Variants in DDX10 observed in about 807,000 individuals in gnomAD.
The protein encoded by DDX10 is DEAD-box helicase 10.
In DDX10, 74 loss-of-function variants were observed where a neutral mutation model predicts 104.3. The ratio of observed to expected loss-of-function variants is 0.71; its 90% CI spans 0.59 to 0.86. The LOEUF is 0.86. DDX10 is among the 40% of genes least tolerant of loss of function. The pLI is 0.00. For synonymous variants in DDX10, 351 were observed against 353.4 expected (o/e 0.99, Z 0.08); for missense variants, 952 against 1,040.0 (o/e 0.92, Z 1.16).
At chr11:108,903,129 A>G (rs1313954932) in intron 16 of DDX10, among the ~76,000 whole-genome samples, 1 of 152,074 alleles carries the variant, frequency 6.6e-6, no homozygotes, top group Non-Finnish European at 1.5e-5. Flanking sequence ...TAATATTCAT[A>G]ATGTTGTGCA....
intron 13 of DDX10, among the ~76,000 whole-genome samples, chr11:108,776,866 G>T (rs993835279): frequency 1.3e-5 from 2 of 152,202 alleles, no homozygotes; most frequent in African/African-American, 4.8e-5. Context: ...AACCGGAAAG[G>T]AAGTAAATTT....
chr11:108,727,324 TCTTA>T (rs1431601804), intron 13 of DDX10, among the ~76,000 whole-genome samples: 2 of 152,126 alleles, frequency 1.3e-5, no homozygotes, highest in East Asian at 3.8e-4. Flanking sequence ...ATGATTTCTT[TCTTA>T]ATTTGTGTAT....
chr11:108,800,399 C>T (rs961400149), intron 13 of DDX10, among the ~76,000 whole-genome samples: 11 of 142,034 alleles, frequency 7.7e-5, no homozygotes, highest in South Asian at 4.5e-4. Context: ...GAGCCGAGAT[C>T]GCGCCACTGC....
chr11:108,905,314 G>T (rs1225265032), intron 16 of DDX10, among the ~76,000 whole-genome samples: 2 of 126,460 alleles, frequency 1.6e-5, no homozygotes, highest in Non-Finnish European at 3.0e-5. Flanking sequence ...ATTGTTTAAG[G>T]GGGGGGGGGG....
intron 13 of DDX10, among the ~76,000 whole-genome samples, chr11:108,779,337 C>A (rs536543824): frequency 6.6e-6 from 1 of 152,312 alleles, no homozygotes; most frequent in South Asian, 2.1e-4. Flanking sequence ...CACATATACC[C>A]TATGGAATAC....
chr11:108,913,494 G>A (rs1863707032), intron 16 of DDX10, among the ~76,000 whole-genome samples: 1 of 152,106 alleles, frequency 6.6e-6, no homozygotes. Flanking sequence ...GGATGACTTT[G>A]AGTTCTGTCT....
At chr11:108,793,746 A>G (rs1220104461) in intron 13 of DDX10, among the ~76,000 whole-genome samples, 2 of 152,084 alleles carry the variant, frequency 1.3e-5, no homozygotes, top group East Asian at 1.9e-4. Flanking sequence ...TTCTAACTGT[A>G]TGTTTGAGTT....
At chr11:108,685,861 A>C (rs1340479841) in intron 6 of DDX10, among the ~76,000 whole-genome samples, 2 of 152,202 alleles carry the variant, frequency 1.3e-5, no homozygotes, top group African/African-American at 4.8e-5. Context: ...TAATATGATT[A>C]CTTATAAAAG....
chr11:108,715,758 T>A (rs1003611718), intron 10 of DDX10, 121 bp from the exon 11 acceptor site: 4 of 613,386 alleles, frequency 6.5e-6, no homozygotes, highest in African/African-American at 5.6e-5. Context: ...CTAATCTGAT[T>A]CATAGATGAG....
At chr11:108,701,936 T>C (rs2134457525) in intron 9 of DDX10, among the ~76,000 whole-genome samples, 1 of 152,244 alleles carries the variant, frequency 6.6e-6, no homozygotes, top group Non-Finnish European at 1.5e-5. Context: ...TCCACCCGCC[T>C]GGATCCCAAA....
intron 17 of DDX10, among the ~76,000 whole-genome samples, chr11:108,926,341 G>A (rs1000794548): frequency 6.6e-6 from 1 of 152,056 alleles, no homozygotes; most frequent in Non-Finnish European, 1.5e-5. Context: ...ATAGAGTGGG[G>A]CCAAAAACTT....
intron 13 of DDX10, among the ~76,000 whole-genome samples, chr11:108,831,517 A>C (rs1295035151): frequency 2.0e-5 from 3 of 148,670 alleles, no homozygotes; most frequent in Admixed American, 6.7e-5. Flanking sequence ...TCCAGTGTTG[A>C]CTCTTCTTTA....
intron 13 of DDX10, among the ~76,000 whole-genome samples, chr11:108,769,335 G>A (rs1367773196): frequency 6.6e-6 from 1 of 151,536 alleles, no homozygotes; most frequent in Non-Finnish European, 1.5e-5. Flanking sequence ...GTTCATCTCT[G>A]ATGTCTTTTT....
At chr11:108,882,031 C>G (rs1338170855) in intron 16 of DDX10, among the ~76,000 whole-genome samples, 1 of 152,074 alleles carries the variant, frequency 6.6e-6, no homozygotes, top group Non-Finnish European at 1.5e-5. Context: ...GGTCTAAATA[C>G]TTTTGTATTT....
intron 17 of DDX10, among the ~76,000 whole-genome samples, chr11:108,923,836 G>A (rs139098022): frequency 2.0e-5 from 3 of 152,262 alleles, no homozygotes; most frequent in East Asian, 1.9e-4. Flanking sequence ...ACACTAAATC[G>A]GTCTTAGGTG....
intron 16 of DDX10, among the ~76,000 whole-genome samples, chr11:108,902,568 T>G (rs1364461820): frequency 6.6e-6 from 1 of 152,196 alleles, no homozygotes; most frequent in African/African-American, 2.4e-5. Flanking sequence ...TTGTAGCCTT[T>G]ACCCTGTTGT....
At chr11:108,896,234 G>A (rs1326718464) in intron 16 of DDX10, among the ~76,000 whole-genome samples, 2 of 152,098 alleles carry the variant, frequency 1.3e-5, no homozygotes, top group Non-Finnish European at 2.9e-5. Context: ...AATGGACACC[G>A]ATACATTTAA....
rs200118606 is a variant in DDX10 at position 108,760,003 on chromosome 11, T to TAA, written c.1965+36553_1965+36554dup. 1.8e-3 allele frequency among the ~76,000 whole-genome samples: 256 copies of TAA among 143,288 alleles called. 1 individual carries two copies. The highest frequency in any genetic ancestry group is 6.1e-3 in the African/African-American group (239 of 39,396). The allele number at this position is 143,288 out of a possible 152,430, so 94.0% of individuals were successfully genotyped here. ...AGAAATTGCCTGCATTGATCCATGTTAAAAAAAAAAAAAGAATCTCACACT... is the reference window on the plus strand; with the variant it reads ...AGAAATTGCCTGCATTGATCCATGTTAAAAAAAAAAAAAAAGAATCTCACACT... On this transcript the variant is annotated intron_variant, in intron 13 of 17. Transcript: ENST00000322536.
intron 13 of DDX10, among the ~76,000 whole-genome samples, chr11:108,781,242 T>C (rs1396297133): frequency 6.6e-6 from 1 of 152,206 alleles, no homozygotes; most frequent in Non-Finnish European, 1.5e-5. Context: ...ATGATTTCAC[T>C]CTTTTTTATG....
Sources: allele counts gnomAD v4.1 joint callset (sites outside exome capture counted in the v4.1 genomes callset), GRCh38; gene constraint gnomAD v4.1.1; transcripts MANE v1.5; gene names NCBI Gene and HGNC (gene_info 2026-07-23, HGNC 2026-07-21).